The following RAI14 variants were observed in gnomAD, a reference collection of about 807,000 sequenced individuals.
The protein encoded by RAI14 is retinoic acid induced 14, also known as ankycorbin.
In RAI14, 45 loss-of-function variants were observed where a neutral mutation model predicts 115.4. The observed-to-expected ratio is 0.39, with a 90% confidence interval of 0.31 to 0.50. The LOEUF (loss-of-function observed/expected upper bound fraction) is 0.50, where lower values mean the gene tolerates loss of function less well. Among genes scored for constraint, RAI14 ranks in the 20% least tolerant of loss-of-function variants. RAI14 has a pLI of 0.85. For missense variants in RAI14, 939 were observed against 1,131.2 expected (o/e 0.83, Z 2.44); for synonymous variants, 371 against 415.4 (o/e 0.89, Z 1.30).
chr5:34,753,379 G>A (rs1348695920), intron 2 of RAI14, among the ~76,000 whole-genome samples: 1 of 152,100 alleles, frequency 6.6e-6, no homozygotes, highest in Admixed American at 6.6e-5. Flanking sequence ...GGGGGTGGGG[G>A]TAGGGGAGAG....
chr5:34,734,403 C>G (rs986787259), intron 2 of RAI14, among the ~76,000 whole-genome samples: 20 of 152,198 alleles, frequency 1.3e-4, no homozygotes, highest in African/African-American at 4.6e-4. Flanking sequence ...TATGACCCCC[C>G]TCTTTCTGAA....
intron 5 of RAI14, among the ~76,000 whole-genome samples, chr5:34,804,519 C>T (rs1235433621): frequency 6.6e-6 from 1 of 152,180 alleles, no homozygotes; most frequent in African/African-American, 2.4e-5. Context: ...TTGTCTTGGC[C>T]TTCACAAGCA....
chr5:34,810,919 T>A, intron 7 of RAI14, 93 bp from the exon 8 acceptor site: 2 of 1,581,090 alleles, frequency 1.3e-6, no homozygotes, highest in Non-Finnish European at 1.7e-6. Flanking sequence ...GCAGTCCAAG[T>A]CAGGAGAAAA....
intron 2 of RAI14, among the ~76,000 whole-genome samples, chr5:34,743,477 C>T (rs142672454): frequency 7.2e-5 from 11 of 152,262 alleles, no homozygotes; most frequent in Admixed American, 3.9e-4. Flanking sequence ...ATCTCTAGAA[C>T]CTTAGTCAGT....
intron 2 of RAI14, among the ~76,000 whole-genome samples, chr5:34,702,483 G>C (rs538445968): frequency 6.6e-6 from 1 of 152,060 alleles, no homozygotes; most frequent in Non-Finnish European, 1.5e-5. Context: ...TGTCTCAGGC[G>C]GGGGGCAAGT....
chr5:34,735,584 A>T (rs1744763293), intron 2 of RAI14, among the ~76,000 whole-genome samples: 1 of 152,246 alleles, frequency 6.6e-6, no homozygotes, highest in Non-Finnish European at 1.5e-5. Context: ...TTCTTACAAC[A>T]TAAATCTTCC....
intron 2 of RAI14, among the ~76,000 whole-genome samples, chr5:34,698,552 G>T (rs1264869548): frequency 6.6e-6 from 1 of 152,058 alleles, no homozygotes; most frequent in Admixed American, 6.6e-5. Context: ...GTTTAGAGAA[G>T]ACTTCATAGA....
At position 34,769,999 on chromosome 5, in the gene RAI14, G is replaced by T. The variant is rs141971804; in HGVS notation, c.167+12401G>T. 8.6e-3 allele frequency among the ~76,000 whole-genome samples: 1,313 copies of T among 152,274 alleles called. 24 individuals are homozygous for T. Among genetic ancestry groups the T allele is most frequent in the African/African-American group, 0.031 (1,270 of 41,544 alleles). ...CTGCCTTGGCCTCCCCAAGTGCTAG[G>T]ATTACAGGGATGAGCCACTGCGCTC... On this transcript the variant is annotated intron_variant, in intron 3 of 17. Transcript: ENST00000265109.
chr5:34,828,067 G>A (rs1169220740), intron 16 of RAI14, among the ~76,000 whole-genome samples: 1 of 152,240 alleles, frequency 6.6e-6, no homozygotes, highest in African/African-American at 2.4e-5. Context: ...AACCATTCCA[G>A]TGGAGTGGGG....
chr5:34,732,803 T>C (rs1213854083), intron 2 of RAI14, among the ~76,000 whole-genome samples: 3 of 149,018 alleles, frequency 2.0e-5, no homozygotes, highest in Non-Finnish European at 3.0e-5. Flanking sequence ...AAGTCATTTA[T>C]GTATATATAT....
chr5:34,727,128 T>C (rs1743565620), intron 2 of RAI14, among the ~76,000 whole-genome samples: 1 of 152,136 alleles, frequency 6.6e-6, no homozygotes, highest in Non-Finnish European at 1.5e-5. Context: ...ATATGGACAA[T>C]GAAGTCTAGG....
At chr5:34,763,754 C>T (rs541145777) in intron 3 of RAI14, among the ~76,000 whole-genome samples, 18 of 152,288 alleles carry the variant, frequency 1.2e-4, no homozygotes, top group African/African-American at 3.9e-4. Context: ...GATATGAGGT[C>T]GGCCTTGTAG....
intron 3 of RAI14, among the ~76,000 whole-genome samples, chr5:34,793,286 G>A (rs549861692): frequency 1.6e-4 from 24 of 152,246 alleles, no homozygotes; most frequent in African/African-American, 3.4e-4. Context: ...ATCATAACAC[G>A]TTCATCAGAC....
intron 5 of RAI14, among the ~76,000 whole-genome samples, chr5:34,805,912 C>T (rs958554445): frequency 6.6e-6 from 1 of 152,130 alleles, no homozygotes; most frequent in Admixed American, 6.5e-5. Flanking sequence ...CTATTCCTCC[C>T]GCCCTTTCTC....
rs1195516207 is a variant in RAI14, at chr5:34,665,089, ATGTG to A, written c.-49+8616_-49+8619del. ...TATGTGTATATATATGTGTATATAT[ATGTG>A]TATATATATGTGTATATATATGTGT... is the stretch of plus-strand genomic sequence containing the variant. On this transcript the variant is annotated intron_variant, in intron 1 of 17. Coordinates refer to ENST00000265109, the MANE Select transcript of RAI14 (RefSeq NM_015577.3). Among the ~76,000 whole-genome samples the A allele has an allele frequency of 5.7e-3, 202 of 35,352 alleles. 60 individuals carry two copies. Among genetic ancestry groups the A allele is most frequent in the African/African-American group, 0.017 (167 of 10,084 alleles). 23.2% of individuals were successfully genotyped at this position (35,352 alleles called of 152,430 possible). A position where few individuals can be genotyped will look rare whatever the true frequency, so the allele number is the denominator to read the frequency against.
chr5:34,688,341 A>G (rs1738127958), intron 2 of RAI14: 1 of 1,274,064 alleles, frequency 7.8e-7, no homozygotes, highest in South Asian at 1.4e-5. Flanking sequence ...TTCCAAGGGA[A>G]TCTAGGTAGC....
chr5:34,750,353 T>C (rs1207891315), intron 2 of RAI14, among the ~76,000 whole-genome samples: 1 of 152,162 alleles, frequency 6.6e-6, no homozygotes. Context: ...CCAGAAATCA[T>C]ATGCAAGTTT....
At position 34,813,656 on chromosome 5, in the gene RAI14, C is replaced by T; in HGVS notation, c.848C>T (p.Thr283Ile). 1 of 1,604,714 alleles carries T rather than the reference C, an allele frequency of 6.2e-7. No homozygotes were observed. Among genetic ancestry groups the T allele is most frequent in the Non-Finnish European group, 8.5e-7 (1 of 1,174,218 alleles). The part of the protein sequence containing the change: ...RKAPPPPISP[T>I]QLSDVSSPRS... ...GCTCCACCACCTCCTATCAGTCCTACCCAGGTAAAAACAAAAGCAAACCAA... is the reference window on the plus strand; with the variant it reads ...GCTCCACCACCTCCTATCAGTCCTATCCAGGTAAAAACAAAAGCAAACCAA... The change falls in exon 11 of 18, where the codon ACC becomes ATC. Residue 283 changes from threonine (T) to isoleucine (I), a missense_variant. Transcript: ENST00000265109.
At chr5:34,679,379 T>C (rs1744228442) in intron 1 of RAI14, among the ~76,000 whole-genome samples, 1 of 152,236 alleles carries the variant, frequency 6.6e-6, no homozygotes, top group African/African-American at 2.4e-5. Flanking sequence ...GTGTTGACTA[T>C]GAAGAGAGCC....
Sources: gnomAD v4.1 joint callset for allele counts (sites outside exome capture counted in the v4.1 genomes callset) on GRCh38, gnomAD v4.1.1 for gene constraint, MANE v1.5 for transcripts, NCBI Gene and HGNC (gene_info 2026-07-23, HGNC 2026-07-21) for gene names.